Variants in COL27A1 observed in about 807,000 individuals in gnomAD.
COL27A1 encodes the protein collagen type XXVII alpha 1 chain.
Under a neutral mutation model 251.3 loss-of-function variants are expected in COL27A1, and 106 were observed. The ratio of observed to expected loss-of-function variants is 0.42; its 90% CI spans 0.36 to 0.50. COL27A1 has a LOEUF of 0.50. Ranked by LOEUF, COL27A1 falls within the 20% of genes least tolerant of loss-of-function variation. The pLI is 0.00. For missense variants in COL27A1, 2,325 were observed against 2,522.8 expected, an observed-to-expected ratio of 0.92 and a Z score of 1.68; for synonymous variants, 1,000 against 986.3, an observed-to-expected ratio of 1.01 and a Z score of -0.26.
intron 36 of COL27A1, chr9:114,273,766 C>T (rs950831451): frequency 2.0e-5 from 3 of 152,364 alleles, no homozygotes; most frequent in East Asian, 1.9e-4. Flanking sequence ...CAGCCATGCC[C>T]GTGCTGCACT....
At chr9:114,164,226 A>C (rs947306202) in intron 2 of COL27A1, among the ~76,000 whole-genome samples, 3 of 152,242 alleles carry the variant, frequency 2.0e-5, no homozygotes, top group Non-Finnish European at 4.4e-5. Context: ...GAATCAAGTG[A>C]GATCATGCCT....
In COL27A1 at chr9:114,304,625, G is replaced by A; in HGVS notation, c.4890G>A (p.Gly1630=). 6.2e-7 allele frequency: 1 copy of A among 1,614,144 alleles called. No individual in the cohort carries two copies. Among genetic ancestry groups the A allele is most frequent in the Middle Eastern group, 1.6e-4 (1 of 6,062 alleles). The change falls in exon 57 of 61, where the codon GGG becomes GGA. Residue 1630 remains glycine (G), a synonymous_variant. Coordinates refer to ENST00000356083, the MANE Select transcript of COL27A1 (RefSeq NM_032888.4). The part of the protein sequence containing the change: ...GPIQLQQDDL[G]AAFQTWMDTS... ...TTGCCCAGCAACAAGATGATCTTGGGGCAGCTTTCCAGACGTGGATGGACA... is the reference window on the plus strand; with the variant it reads ...TTGCCCAGCAACAAGATGATCTTGGAGCAGCTTTCCAGACGTGGATGGACA...
At chr9:114,310,201 A>C (rs1829351007) in intron 60 of COL27A1, among the ~76,000 whole-genome samples, 1 of 152,106 alleles carries the variant, frequency 6.6e-6, no homozygotes, top group African/African-American at 2.4e-5. Flanking sequence ...ATGTACCCAA[A>C]CCCCACCTGT....
chr9:114,235,689 C>T, intron 17 of COL27A1, 37 bp downstream of exon 17: 3 of 1,519,960 alleles, frequency 2.0e-6, no homozygotes, highest in Admixed American at 1.7e-5. Flanking sequence ...CCTGCCCCTG[C>T]CCCTGCCCTG....
At position 114,300,677 on chromosome 9, in the gene COL27A1, C is replaced by G; in HGVS notation, c.4691C>G (p.Pro1564Arg). ...GGCATCCAGGGCCCTCGGGGGCCAC[C>G]TGGCTTGATGGTGAGTTCCCTCCCT... ...FKGIQGPRGP[P>R]GLMGKEGIVG... The change falls in exon 51 of 61, where the codon CCT becomes CGT. Residue 1564 changes from proline to arginine, a missense_variant. By Grantham distance (103) the Pro-to-Arg change is moderately radical. Coordinates refer to ENST00000356083, the MANE Select transcript of COL27A1 (RefSeq NM_032888.4). 1 of 1,512,290 alleles carries G rather than the reference C, an allele frequency of 6.6e-7. No individual in the cohort carries two copies. Among genetic ancestry groups the G allele is most frequent in the Non-Finnish European group, 8.8e-7 (1 of 1,133,316 alleles). The allele number at this position is 1,512,290 out of a possible 1,614,324, so 93.7% of individuals were successfully genotyped here.
chr9:114,235,506 C>T (rs531803003), intron 16 of COL27A1, 93 bp from the exon 17 acceptor site: 18 of 956,422 alleles, frequency 1.9e-5, no homozygotes, highest in Middle Eastern at 2.2e-4. Context: ...GAAACAGCCT[C>T]GGCACAGCTG....
At chr9:114,201,125 T>C (rs1274148625) in intron 7 of COL27A1, among the ~76,000 whole-genome samples, 4 of 152,166 alleles carry the variant, frequency 2.6e-5, no homozygotes. Context: ...AACCAAAATA[T>C]AGACCGAGTT....
chr9:114,235,475 T>A (rs1663113231), intron 16 of COL27A1, 124 bp from the exon 17 acceptor site: 3 of 794,876 alleles, frequency 3.8e-6, no homozygotes, highest in Non-Finnish European at 6.8e-6. Context: ...ACAAGGCTGC[T>A]GCTGGCCGGA....
rs938788154 is a variant in COL27A1 at position 114,168,295 on chromosome 9, G to T, written c.740G>T (p.Gly247Val). 6.2e-7 allele frequency: 1 copy of T among 1,613,484 alleles called. No individual in the cohort carries two copies. Residue 247 changes from glycine (G) to valine (V), a missense_variant, in exon 3 of 61, where the codon GGA (glycine) becomes GTA (valine). Coordinates refer to ENST00000356083, the MANE Select transcript of COL27A1 (RefSeq NM_032888.4). Reference protein sequence around the residue: ...GQADTYQSPLGPLFSQDSGRP... With the variant: ...GQADTYQSPLVPLFSQDSGRP... ...GCTGACACGTACCAGTCCCCACTGG[G>T]ACCTCTCTTCTCCCAAGACTCTGGC... is the stretch of plus-strand genomic sequence containing the variant.
intron 9 of COL27A1, 139 bp from the exon 10 acceptor site, chr9:114,206,113 G>A (rs1829942666): frequency 3.5e-6 from 3 of 845,892 alleles, no homozygotes; most frequent in Admixed American, 2.1e-5. Context: ...TGGGGGTCAG[G>A]CCAAAGATCG....
intron 24 of COL27A1, among the ~76,000 whole-genome samples, chr9:114,250,353 C>T (rs1263161557): frequency 2.0e-5 from 3 of 152,218 alleles, no homozygotes; most frequent in Non-Finnish European, 4.4e-5. Flanking sequence ...CTGCTTCTGG[C>T]GCGGGAAGAA....
chr9:114,233,908 C>G (rs185661452), intron 16 of COL27A1, among the ~76,000 whole-genome samples: 2 of 152,086 alleles, frequency 1.3e-5, no homozygotes, highest in African/African-American at 4.8e-5. Context: ...GGCTGTGTTC[C>G]GATCAGCCAC....
In COL27A1 at chr9:114,168,650, C is replaced by T. The variant is rs1222323350; in HGVS notation, c.1095C>T (p.Pro365=). ...PSQKITATKI[P]KSLPTKPSAP... ...AGAAGATCACAGCCACCAAAATCCC[C>T]AAAAGCCTCCCTACCAAGCCTTCGG... Residue 365 remains proline (P), a synonymous_variant, in exon 3 of 61, where the codon CCC becomes CCT. Transcript: ENST00000356083. 9.9e-6 allele frequency: 16 copies of T among 1,614,042 alleles called. No homozygotes were observed. The highest frequency in any genetic ancestry group is 1.3e-5 in the Non-Finnish European group (15 of 1,180,020).
chr9:114,265,161 TG>T (rs762298593), intron 31 of COL27A1, 51 bp downstream of exon 31: 12 of 508,584 alleles, frequency 2.4e-5, no homozygotes, highest in Non-Finnish European at 2.3e-5. Flanking sequence ...TTGATGGGGG[TG>T]GGGGGCGGGT....
chr9:114,301,882 G>A (rs1828671078), intron 55 of COL27A1, among the ~76,000 whole-genome samples, 165 bp downstream of exon 55: 1 of 152,142 alleles, frequency 6.6e-6, no homozygotes, highest in Non-Finnish European at 1.5e-5. Context: ...ATTCACTTTT[G>A]CCTACGTGGG....
At chr9:114,260,143 G>A (rs1051964775) in intron 28 of COL27A1, among the ~76,000 whole-genome samples, 2 of 152,228 alleles carry the variant, frequency 1.3e-5, no homozygotes, top group African/African-American at 4.8e-5. Flanking sequence ...CTCAGGCGCG[G>A]GGCTCAGGCC....
Position 114,169,000 on chromosome 9 carries a change from C to A in COL27A1, c.1445C>A (p.Pro482His). ...ASARTSTHKP[P>H]PFTALSSSPA... ...GCCCGCACCAGCACCCACAAACCTCCCCCATTTACTGCTTTATCCTCATCT... is the reference window on the plus strand; with the variant it reads ...GCCCGCACCAGCACCCACAAACCTCACCCATTTACTGCTTTATCCTCATCT... Residue 482 changes from proline to histidine, a missense_variant, in exon 3 of 61, where the codon CCC (proline) becomes CAC (histidine). Pro to His is a moderately conservative substitution (Grantham distance 77). This residue lies in a region of COL27A1 where 1,183 missense variants were observed against 1,144.1 expected (regional missense o/e 1.03). Transcript: ENST00000356083. 1.2e-6 allele frequency: 2 copies of A among 1,614,174 alleles called. No individual in the cohort carries two copies. Among genetic ancestry groups the A allele is most frequent in the Non-Finnish European group, 1.7e-6 (2 of 1,180,040 alleles).
chr9:114,284,816 G>A lies in COL27A1; in HGVS notation c.3987+39G>A, dbSNP rs761876035. On this transcript the variant is annotated intron_variant, in intron 41 of 60. Transcript: ENST00000356083. ...CTGGGGAAAGCAGCTGCACCCTCGTGTCTGAGGCTGAGGTCAGCTTCAGGG... is the reference window on the plus strand; with the variant it reads ...CTGGGGAAAGCAGCTGCACCCTCGTATCTGAGGCTGAGGTCAGCTTCAGGG... 30 of 1,610,994 alleles carry A rather than the reference G, an allele frequency of 1.9e-5. No homozygotes were observed. The African/African-American group carries it at 3.5e-4, about 19-fold the overall frequency.
At chr9:114,261,254 A>T (rs1312655319) in intron 28 of COL27A1, among the ~76,000 whole-genome samples, 1 of 152,172 alleles carries the variant, frequency 6.6e-6, no homozygotes, top group Non-Finnish European at 1.5e-5. Flanking sequence ...CCTGATCCCC[A>T]GGCCTGGCTG....
Sources: allele counts gnomAD v4.1 joint callset (sites outside exome capture counted in the v4.1 genomes callset), GRCh38; gene constraint gnomAD v4.1.1; regional missense constraint gnomAD v4.1.1; transcripts MANE v1.5; gene names NCBI Gene and HGNC (gene_info 2026-07-23, HGNC 2026-07-21).